Variants in BCAT1 observed in about 807,000 individuals in gnomAD.
BCAT1 encodes branched chain amino acid transaminase 1.
A neutral mutation model predicts 52.4 loss-of-function variants in BCAT1; 48 were observed. The observed-to-expected ratio is 0.92, with a 90% CI of 0.73 to 1.16. BCAT1 has a LOEUF of 1.16. Among genes scored for constraint, BCAT1 ranks in the 50% most tolerant of loss-of-function variants. BCAT1 has a pLI of 0.00. For synonymous variants in BCAT1, 167 were observed against 161.3 expected (o/e 1.04, Z -0.27); for missense variants, 451 against 457.1 (o/e 0.99, Z 0.12).
Position 24,811,743 on chromosome 12 carries a change from G to C in BCAT1, c.*6265C>G, listed in dbSNP as rs1480341681. On this transcript the variant is annotated 3_prime_UTR_variant, in exon 11 of 11. Transcript: ENST00000261192. Reference sequence around the variant, plus strand: ...CAATTTTTCTTAAAAAGAATTTCAAGAATCACTACACAGCTAAGATATCTG... The same window carrying C: ...CAATTTTTCTTAAAAAGAATTTCAACAATCACTACACAGCTAAGATATCTG... 1 of 152,058 alleles carries C rather than the reference G, an allele frequency of 6.6e-6. No individual in the cohort carries two copies. The highest frequency in any genetic ancestry group is 1.5e-5 in the Non-Finnish European group (1 of 67,954). The allele number at this position is 152,058 out of a possible 1,614,324, so 9.4% of individuals were successfully genotyped here.
chr12:24,816,047 C>T lies in BCAT1; in HGVS notation c.*1961G>A, dbSNP rs1272865028. 2 of 152,560 alleles carry T rather than the reference C, an allele frequency of 1.3e-5. No individual in the cohort carries two copies. Among genetic ancestry groups the T allele is most frequent in the African/African-American group, 4.8e-5 (2 of 41,446 alleles). 9.5% of individuals were successfully genotyped at this position (152,560 alleles called of 1,614,324 possible). On this transcript the variant is annotated 3_prime_UTR_variant, in exon 11 of 11. Transcript: ENST00000261192. ...GTGCGCAGGCGACAGTCAAGAGCAC[C>T]TCAGGCCTGAAAAGAACAGCTTCTC... is the stretch of plus-strand genomic sequence containing the variant.
At chr12:24,895,692 C>A (rs538287974) in intron 2 of BCAT1, among the ~76,000 whole-genome samples, 77 of 152,188 alleles carry the variant, frequency 5.1e-4, no homozygotes, top group Non-Finnish European at 9.6e-4. Flanking sequence ...AGTCTTTTCC[C>A]TCCCAAATTA....
chr12:24,822,073 A>G (rs1366048084), intron 10 of BCAT1, among the ~76,000 whole-genome samples: 1 of 152,228 alleles, frequency 6.6e-6, no homozygotes, highest in Non-Finnish European at 1.5e-5. Context: ...AAGGAATTTA[A>G]CAGTAGAGAA....
chr12:24,821,625 T>C (rs1319495101), intron 10 of BCAT1, among the ~76,000 whole-genome samples: 4 of 152,216 alleles, frequency 2.6e-5, no homozygotes, highest in Admixed American at 6.5e-5. Context: ...ATTTGTTTGG[T>C]GTTTCACTTG....
At chr12:24,941,125 A>T (rs1332066623) in intron 1 of BCAT1, among the ~76,000 whole-genome samples, 1 of 152,218 alleles carries the variant, frequency 6.6e-6, no homozygotes, top group Non-Finnish European at 1.5e-5. Flanking sequence ...TAGTGATTGA[A>T]CAGGCTGGCA....
At chr12:24,856,380 A>G (rs964993314) in intron 5 of BCAT1, among the ~76,000 whole-genome samples, 2 of 152,092 alleles carry the variant, frequency 1.3e-5, no homozygotes, top group African/African-American at 2.4e-5. Context: ...CCCTCCTATT[A>G]TGGGTTGAAT....
At chr12:24,836,960 AG>A (rs1314234744) in intron 7 of BCAT1, among the ~76,000 whole-genome samples, 1,608 of 62,614 alleles carry the variant, frequency 0.026, 47 homozygotes, top group Non-Finnish European at 0.046. Context: ...GAAAGAAAAG[AG>A]AAAGAAAGAA....
In BCAT1 at chr12:24,815,629, C is replaced by T. The variant is rs1159583190; in HGVS notation, c.*2379G>A. ...ACAAGAAAGCGTCAAGGTCAATTTC[C>T]TGTCTTATTACTTAAATGACAATGG... On this transcript the variant is annotated 3_prime_UTR_variant, in exon 11 of 11. Coordinates refer to ENST00000261192, the MANE Select transcript of BCAT1 (RefSeq NM_005504.7). 4 of 152,160 alleles carry T rather than the reference C, an allele frequency of 2.6e-5. No individual in the cohort carries two copies. The East Asian group carries it at 7.7e-4, about 29-fold the overall frequency. 9.4% of individuals were successfully genotyped at this position (152,160 alleles called of 1,614,324 possible).
At chr12:24,840,399 G>A (rs1293400065) in intron 7 of BCAT1, among the ~76,000 whole-genome samples, 3 of 152,164 alleles carry the variant, frequency 2.0e-5, no homozygotes, top group Non-Finnish European at 2.9e-5. Flanking sequence ...TCTTCTAAGT[G>A]CAGAGGTCAA....
At chr12:24,878,942 A>AT (rs1454936157) in intron 4 of BCAT1, among the ~76,000 whole-genome samples, 2 of 152,072 alleles carry the variant, frequency 1.3e-5, no homozygotes, top group African/African-American at 2.4e-5. Flanking sequence ...AAACCAAACA[A>AT]TTTTTTCTGA....
intron 10 of BCAT1, among the ~76,000 whole-genome samples, chr12:24,826,396 C>CT (rs1940401760): frequency 6.6e-6 from 1 of 152,146 alleles, no homozygotes; most frequent in Admixed American, 6.5e-5. Flanking sequence ...AAAAGACTGT[C>CT]TTCCCCGTTA....
chr12:24,844,917 A>AAAAAAAAAAAAC (rs1941297327), intron 6 of BCAT1, among the ~76,000 whole-genome samples: 1 of 133,012 alleles, frequency 7.5e-6, no homozygotes, highest in Non-Finnish European at 1.6e-5. Context: ...AAAAAAAAAA[A>AAAAAAAAAAAAC]GAGTCCTTAA....
rs368635197 is a variant in BCAT1 at position 24,856,782 on chromosome 12, C to A, written c.511-6833G>T. On this transcript the variant is annotated intron_variant, in intron 5 of 10. Transcript: ENST00000261192. Reference sequence around the variant, plus strand: ...CAGGATAGAATGCAGGCCTAGGAATCCTACAAATCTGGTCTTCAAGCTGGC... The same window carrying A: ...CAGGATAGAATGCAGGCCTAGGAATACTACAAATCTGGTCTTCAAGCTGGC... 8.5e-5 allele frequency among the ~76,000 whole-genome samples: 13 copies of A among 152,304 alleles called. No individual in the cohort carries two copies. The East Asian group carries it at 1.9e-3, about 23-fold the overall frequency.
At position 24,933,662 on chromosome 12, in the gene BCAT1, C is replaced by A. The variant is rs548246725; in HGVS notation, c.6+15265G>T. The stretch of plus-strand genomic sequence containing the variant: ...GTGGCTATGTTTTCTGGGGTATATA[C>A]CCCAGGTTCATCCTCTCATGCCGGG... On this transcript the variant is annotated intron_variant, in intron 1 of 10. Transcript: ENST00000261192. Among the ~76,000 whole-genome samples the A allele has an allele frequency of 5.9e-5, 9 of 152,148 alleles. No homozygotes were observed. In the South Asian group the frequency reaches 1.7e-3, roughly 28 times the overall value.
chr12:24,877,713 CT>C (rs1942386308), intron 5 of BCAT1, among the ~76,000 whole-genome samples: 1 of 152,144 alleles, frequency 6.6e-6, no homozygotes, highest in Non-Finnish European at 1.5e-5. Flanking sequence ...CCATTTCTAC[CT>C]CAGAGAAGTA....
chr12:24,860,731 A>G (rs1591816369), intron 5 of BCAT1, among the ~76,000 whole-genome samples: 1 of 152,196 alleles, frequency 6.6e-6, no homozygotes, highest in Non-Finnish European at 1.5e-5. Context: ...TGTCTATTCA[A>G]TTCCTTTACA....
intron 1 of BCAT1, among the ~76,000 whole-genome samples, chr12:24,929,943 A>C (rs1026232581): frequency 2.0e-5 from 3 of 152,224 alleles, no homozygotes; most frequent in African/African-American, 2.4e-5. Context: ...AAGGGTAAAG[A>C]AAGTTTTCTC....
At position 24,834,783 on chromosome 12, in the gene BCAT1, T is replaced by C. The variant is rs755498888; in HGVS notation, c.903+1728A>G. 1.3e-5 allele frequency: 15 copies of C among 1,165,460 alleles called. No individual in the cohort carries two copies. In the South Asian group the frequency reaches 1.9e-4, roughly 15 times the overall value. The allele number at this position is 1,165,460 out of a possible 1,614,324, so 72.2% of individuals were successfully genotyped here. A position where few individuals can be genotyped will look rare whatever the true frequency, so the allele number is the denominator to read the frequency against. Reference sequence around the variant, plus strand: ...AACTGCAGAAAATCAGGCAAATTAATTGAAAACAAGCTGAGTTCTGTGTCC... The same window carrying C: ...AACTGCAGAAAATCAGGCAAATTAACTGAAAACAAGCTGAGTTCTGTGTCC... On this transcript the variant is annotated intron_variant, in intron 8 of 10. Transcript: ENST00000261192.
intron 1 of BCAT1, among the ~76,000 whole-genome samples, chr12:24,911,338 G>A (rs982498257): frequency 5.3e-5 from 8 of 151,932 alleles, no homozygotes; most frequent in African/African-American, 1.5e-4. Context: ...CACACAGACC[G>A]CCACAAATCA....
Sources: gnomAD v4.1 joint callset for allele counts (sites outside exome capture counted in the v4.1 genomes callset) on GRCh38, gnomAD v4.1.1 for gene constraint, MANE v1.5 for transcripts, NCBI Gene and HGNC (gene_info 2026-07-23, HGNC 2026-07-21) for gene names.